LZTS1: variants seen among roughly 807,000 people sequenced by gnomAD.
The protein encoded by LZTS1 is leucine zipper putative tumor suppressor 1.
Under a neutral mutation model 45.8 loss-of-function variants are expected in LZTS1, and 31 were observed. The ratio of observed to expected loss-of-function variants is 0.68; its 90% CI spans 0.51 to 0.91. LZTS1 has a LOEUF of 0.91. Among genes scored for constraint, LZTS1 ranks in the 40% least tolerant of loss-of-function variants. The pLI is 0.00. For synonymous variants in LZTS1, 359 were observed against 357.3 expected (o/e 1.00, Z -0.05); for missense variants, 821 against 788.9 (o/e 1.04, Z -0.49).
At chr8:20,294,707 A>C (rs1335329615) in intron 1 of LZTS1, among the ~76,000 whole-genome samples, 1 of 151,996 alleles carries the variant, frequency 6.6e-6, no homozygotes, top group Non-Finnish European at 1.5e-5. Flanking sequence ...GGGAGCAGGG[A>C]AGAGCTCAAG....
chr8:20,258,547 C>T (rs1020644837), intron 1 of LZTS1, among the ~76,000 whole-genome samples: 1 of 152,080 alleles, frequency 6.6e-6, no homozygotes, highest in Non-Finnish European at 1.5e-5. Flanking sequence ...AACAAAACTT[C>T]GTTGTGTAAG....
intron 1 of LZTS1, among the ~76,000 whole-genome samples, chr8:20,274,459 C>T (rs754282346): frequency 3.3e-5 from 5 of 152,136 alleles, no homozygotes; most frequent in Non-Finnish European, 7.3e-5. Flanking sequence ...ATCTCCATCC[C>T]GGTGTGTGAT....
At chr8:20,265,719 A>ACC (rs1483209021) in intron 1 of LZTS1, among the ~76,000 whole-genome samples, 1 of 150,122 alleles carries the variant, frequency 6.7e-6, no homozygotes, top group Admixed American at 6.7e-5. Context: ...GGAGAAAACA[A>ACC]CCCCTGAATC....
Position 20,246,656 on chromosome 8 carries a change from C to T in LZTS1, c.*3066G>A, listed in dbSNP as rs1799736801. The T allele has an allele frequency of 2.6e-5, 4 of 152,284 alleles. No homozygotes were observed. 9.4% of individuals were successfully genotyped at this position (152,284 alleles called of 1,614,324 possible). A position where few individuals can be genotyped will look rare whatever the true frequency, so the allele number is the denominator to read the frequency against. ...CCCATATCCCAGTCCCATGTGAGCTCAGTGCTATAGGGGCTGTGTGTGCCT... is the reference window on the plus strand; with the variant it reads ...CCCATATCCCAGTCCCATGTGAGCTTAGTGCTATAGGGGCTGTGTGTGCCT... On this transcript the variant is annotated 3_prime_UTR_variant, in exon 4 of 4. Coordinates refer to ENST00000381569, the MANE Select transcript of LZTS1 (RefSeq NM_021020.5).
At position 20,250,037 on chromosome 8, in the gene LZTS1, G is replaced by A; in HGVS notation, c.1476C>T (p.Thr492=). The A allele has an allele frequency of 6.2e-7, 1 of 1,610,134 alleles. No homozygotes were observed. The highest frequency in any genetic ancestry group is 8.5e-7 in the Non-Finnish European group (1 of 1,179,210). ...AALARDMGPP[T]FPEDVPALQR... is the part of the protein sequence containing the mutation. The stretch of plus-strand genomic sequence containing the variant: ...GCAGGGCAGGGACGTCCTCGGGGAA[G>A]GTGGGCGGCCCCATGTCGCGGGCCA... Residue 492 remains threonine (T), a synonymous_variant, in exon 4 of 4, where the codon ACC becomes ACT. Transcript: ENST00000381569.
chr8:20,250,066 C>G lies in LZTS1; in HGVS notation c.1447G>C (p.Ala483Pro). Residue 483 changes from alanine (A) to proline (P), a missense_variant, in exon 4 of 4, where the codon GCC (alanine) becomes CCC (proline). Physicochemically the swap from Ala to Pro is conservative, Grantham distance 27 (BLOSUM62 -1). Coordinates refer to ENST00000381569, the MANE Select transcript of LZTS1 (RefSeq NM_021020.5). ...GGCGGCCCCATGTCGCGGGCCAGGGCGGCCTGGGCCCGCAGCTCCTGCAGC... is the reference window on the plus strand; with the variant it reads ...GGCGGCCCCATGTCGCGGGCCAGGGGGGCCTGGGCCCGCAGCTCCTGCAGC... ...QELQELRAQA[A>P]LARDMGPPTF... 1 of 1,607,300 alleles carries G rather than the reference C, an allele frequency of 6.2e-7. No homozygotes were observed. Among genetic ancestry groups the G allele is most frequent in the Non-Finnish European group, 8.5e-7 (1 of 1,179,056 alleles).
chr8:20,299,099 C>A (rs1585306644), intron 1 of LZTS1, among the ~76,000 whole-genome samples: 1 of 152,084 alleles, frequency 6.6e-6, no homozygotes, highest in Non-Finnish European at 1.5e-5. Context: ...AGGTTGAAAA[C>A]CTCCCATTTT....
At chr8:20,253,749 G>A (rs1255556814) in intron 2 of LZTS1, among the ~76,000 whole-genome samples, 164 bp from the exon 3 acceptor site, 1 of 152,224 alleles carries the variant, frequency 6.6e-6, no homozygotes, top group African/African-American at 2.4e-5. Context: ...TTGCTTTGAA[G>A]CAGCTGAATG....
intron 1 of LZTS1, among the ~76,000 whole-genome samples, chr8:20,287,952 A>T (rs1416295032): frequency 1.4e-5 from 2 of 139,938 alleles, no homozygotes; most frequent in Non-Finnish European, 3.1e-5. Context: ...TCCCTAGCCC[A>T]GCCCACCTGC....
chr8:20,286,532 G>A (rs1232023038), intron 1 of LZTS1, among the ~76,000 whole-genome samples: 1 of 152,190 alleles, frequency 6.6e-6, no homozygotes, highest in Non-Finnish European at 1.5e-5. Context: ...TGAAGCAAGT[G>A]AAACTCTCAT....
chr8:20,277,679 G>A (rs1182684998), intron 1 of LZTS1, among the ~76,000 whole-genome samples: 1 of 152,104 alleles, frequency 6.6e-6, no homozygotes, highest in Admixed American at 6.6e-5. Context: ...AGTAGGGTGG[G>A]GTGTTAGAAA....
In LZTS1 at chr8:20,255,315, C is replaced by A. The variant is rs769698394; in HGVS notation, c.-134G>T. ...TCACAGAGCCTGCGAGAGCCGTAGACCTGGAAGAAGACACAAGACAGAAGT... is the reference window on the plus strand; with the variant it reads ...TCACAGAGCCTGCGAGAGCCGTAGAACTGGAAGAAGACACAAGACAGAAGT... On this transcript the variant is annotated splice_region_variant and 5_prime_UTR_variant, in exon 2 of 4. Coordinates refer to ENST00000381569, the MANE Select transcript of LZTS1 (RefSeq NM_021020.5). 4.9e-6 allele frequency: 7 copies of A among 1,440,642 alleles called. No individual in the cohort carries two copies. The highest frequency in any genetic ancestry group is 6.3e-6 in the Non-Finnish European group (7 of 1,103,008). 89.2% of individuals were successfully genotyped at this position (1,440,642 alleles called of 1,614,324 possible).
At chr8:20,267,244 C>T (rs1399015192) in intron 1 of LZTS1, among the ~76,000 whole-genome samples, 2 of 150,658 alleles carry the variant, frequency 1.3e-5, no homozygotes, top group African/African-American at 2.4e-5. Context: ...GTGTTCTTTT[C>T]CTCCTGCTTC....
intron 1 of LZTS1, among the ~76,000 whole-genome samples, chr8:20,270,831 GTT>G (rs1491389175): frequency 6.6e-5 from 10 of 150,770 alleles, no homozygotes; most frequent in African/African-American, 2.5e-4. Flanking sequence ...GTGTGTGTGT[GTT>G]TGTGTGTGTG....
chr8:20,252,953 G>A lies in LZTS1; in HGVS notation c.978C>T (p.Arg326=), dbSNP rs961006211. ...KLKQASQKSQ[R]AQQVLHLQVL... is the part of the protein sequence containing the mutation. ...CCTGCAGGTGCAGGACCTGCTGCGC[G>A]CGCTGGCTCTTCTGCGAGGCCTGCT... The change falls in exon 3 of 4, where the codon CGC becomes CGT. Residue 326 remains arginine, a synonymous_variant. Transcript: ENST00000381569. 45 of 1,593,602 alleles carry A rather than the reference G, an allele frequency of 2.8e-5. No individual in the cohort carries two copies. Among genetic ancestry groups the A allele is most frequent in the East Asian group, 4.5e-5 (2 of 44,556 alleles).
chr8:20,279,497 C>T (rs115255788), intron 1 of LZTS1, among the ~76,000 whole-genome samples: 3,272 of 151,952 alleles, frequency 0.022, 109 homozygotes, highest in African/African-American at 0.075. Flanking sequence ...GCCAGGGGTT[C>T]GAGACCAGCC....
Position 20,254,824 on chromosome 8 carries a change from GA to G in LZTS1, c.345+12del. The stretch of plus-strand genomic sequence containing the variant: ...TTCCAACCCACTTACCCTTGCCAGC[GA>G]CCCCCGCTTACCATTTCTAGCTGAT... On this transcript the variant is annotated intron_variant, in intron 2 of 3. Transcript: ENST00000381569. The G allele has an allele frequency of 2.5e-6, 4 of 1,589,242 alleles. No individual in the cohort carries two copies. The highest frequency in any genetic ancestry group is 3.4e-6 in the Non-Finnish European group (4 of 1,165,362).
chr8:20,286,520 T>C (rs546986039), intron 1 of LZTS1, among the ~76,000 whole-genome samples: 2 of 152,308 alleles, frequency 1.3e-5, no homozygotes, highest in African/African-American at 2.4e-5. Context: ...CTGGTGAGGA[T>C]GTGAAGCAAG....
At chr8:20,278,542 T>G (rs769236732) in intron 1 of LZTS1, among the ~76,000 whole-genome samples, 2 of 152,188 alleles carry the variant, frequency 1.3e-5, no homozygotes, top group African/African-American at 2.4e-5. Context: ...TCACTCCATT[T>G]CATTCCTGCC....
Sources: allele counts gnomAD v4.1 joint callset (sites outside exome capture counted in the v4.1 genomes callset), GRCh38; gene constraint gnomAD v4.1.1; transcripts MANE v1.5; gene names NCBI Gene and HGNC (gene_info 2026-07-23, HGNC 2026-07-21).